The following TMEM41B variants were observed in gnomAD, a reference collection of about 807,000 sequenced individuals.
TMEM41B encodes transmembrane protein 41B.
Under a neutral mutation model 31.9 loss-of-function variants are expected in TMEM41B, and 18 were observed. The observed-to-expected ratio is 0.56, with a 90% CI of 0.39 to 0.84. TMEM41B has a LOEUF of 0.84. TMEM41B is among the 40% of genes least tolerant of loss of function. The probability of loss-of-function intolerance (pLI) is 0.00; values close to 1 mark genes in which losing one functional copy is unlikely to be tolerated. For missense variants in TMEM41B, 322 were observed against 348.0 expected, an observed-to-expected ratio of 0.93 and a Z score of 0.59; for synonymous variants, 144 against 124.3, an observed-to-expected ratio of 1.16 and a Z score of -1.05.
At chr11:9,295,018 G>T in intron 3 of TMEM41B, 2 of 447,830 alleles carry the variant, frequency 4.5e-6, no homozygotes, top group Non-Finnish European at 6.5e-6. Flanking sequence ...GAAAATGTTT[G>T]GTAAGTGAAA....
At position 9,286,502 on chromosome 11, in the gene TMEM41B, G is replaced by A. The variant is rs1407404673; in HGVS notation, c.659C>T (p.Pro220Leu). Residue 220 changes from proline (P) to leucine (L), a missense_variant, in exon 6 of 7, where the codon CCT (proline) becomes CTT (leucine). By Grantham distance (98) the Pro-to-Leu change is moderately conservative. Around this residue, in one of 3 missense-constraint regions of TMEM41B, gnomAD observed 92 missense variants for 88.0 expected, o/e 1.05. Coordinates refer to ENST00000528080, the MANE Select transcript of TMEM41B (RefSeq NM_015012.4). ...LPNWFINITSPVINVPLKVFF... is the reference protein window; with the variant it reads ...LPNWFINITSLVINVPLKVFF... ...AACTTTCAATGGCACGTTTATCACA[G>A]GAGATGTGATATTAATAAACCAATT... 1 of 1,612,386 alleles carries A rather than the reference G, an allele frequency of 6.2e-7. No homozygotes were observed. The highest frequency in any genetic ancestry group is 2.2e-5 in the East Asian group (1 of 44,862).
intron 2 of TMEM41B, among the ~76,000 whole-genome samples, chr11:9,296,503 G>A (rs1853089872): frequency 6.7e-6 from 1 of 149,976 alleles, no homozygotes. Context: ...GTGCATGCCT[G>A]TAATCCCAGC....
intron 1 of TMEM41B, among the ~76,000 whole-genome samples, chr11:9,308,975 G>A (rs1279978346): frequency 6.6e-6 from 1 of 152,066 alleles, no homozygotes; most frequent in Non-Finnish European, 1.5e-5. Flanking sequence ...CTGGCCGGGC[G>A]TGGGGCTAAC....
At chr11:9,284,338 G>A (rs34446443) in intron 6 of TMEM41B, among the ~76,000 whole-genome samples, 40,149 of 151,400 alleles carry the variant, frequency 0.27, 6,071 homozygotes, top group East Asian at 0.5. Flanking sequence ...TGTCAAGAGA[G>A]GGGGTTTTGC....
chr11:9,310,655 CT>C (rs36061977), intron 1 of TMEM41B, among the ~76,000 whole-genome samples: 48,261 of 108,840 alleles, frequency 0.44, 10,821 homozygotes, highest in East Asian at 0.54. Context: ...GTTAAGAGCC[CT>C]TTTTTTTTTT....
chr11:9,286,355 T>TGGCATAATCTGCAGAGAGCA, intron 6 of TMEM41B, 100 bp downstream of exon 6: 1 of 1,220,778 alleles, frequency 8.2e-7, no homozygotes, highest in Non-Finnish European at 1.1e-6. Flanking sequence ...TAGATGGTGC[T>TGGCATAATCTGCAGAGAGCA]GGCATAATCT....
chr11:9,299,321 T>TACACAC (rs1303303364), intron 2 of TMEM41B, among the ~76,000 whole-genome samples: 51 of 10,528 alleles, frequency 4.8e-3, no homozygotes, highest in Non-Finnish European at 0.014. Context: ...TATATATACA[T>TACACAC]ACATACACAC....
intron 1 of TMEM41B, among the ~76,000 whole-genome samples, chr11:9,304,571 T>A (rs1037275452): frequency 6.6e-6 from 1 of 150,834 alleles, no homozygotes; most frequent in Non-Finnish European, 1.5e-5. Flanking sequence ...CTCCTGGGAG[T>A]TGAATGCCTT....
intron 1 of TMEM41B, among the ~76,000 whole-genome samples, chr11:9,304,303 C>T (rs7944130): frequency 0.96 from 146,064 of 152,174 alleles, 70,395 homozygotes; most frequent in East Asian, 1. Context: ...CTGGCTATTA[C>T]CTAATTCAAT....
At position 9,299,594 on chromosome 11, in the gene TMEM41B, G is replaced by A; in HGVS notation, c.229C>T (p.Gln77Ter). ...TCTCAGTATACTTACTCACTAAGCT[G>A]AGGAAAATTTTTATATACCAAAAAC... Reference protein sequence around the residue: ...VMFLVYKNFPQLSEEERVNMK... With the variant: ...VMFLVYKNFP The change falls in exon 2 of 7, where the codon CAG (glutamine) becomes TAG (stop). Residue 77 changes from glutamine (Q) to a stop codon, truncating the protein, a stop_gained. Transcript: ENST00000528080. LOFTEE classifies it high-confidence loss of function. 1 of 1,603,226 alleles carries A rather than the reference G, an allele frequency of 6.2e-7. No homozygotes were observed. Among genetic ancestry groups the A allele is most frequent in the South Asian group, 1.1e-5 (1 of 90,412 alleles).
At chr11:9,293,842 A>G (rs949473120) in intron 3 of TMEM41B, among the ~76,000 whole-genome samples, 2 of 152,114 alleles carry the variant, frequency 1.3e-5, no homozygotes, top group Non-Finnish European at 2.9e-5. Context: ...TCGGGCTCCC[A>G]AAGTGCTGGT....
chr11:9,313,012 A>T (rs746256713), intron 1 of TMEM41B, among the ~76,000 whole-genome samples: 21 of 152,234 alleles, frequency 1.4e-4, no homozygotes, highest in Non-Finnish European at 2.6e-4. Context: ...TATTTTTTGA[A>T]TAGCTTTAGG....
rs1853648443 is a variant in TMEM41B, at chr11:9,314,569, A to G, written c.-128T>C. On this transcript the variant is annotated 5_prime_UTR_variant, in exon 1 of 7. Transcript: ENST00000528080. ...TTCCGGCGCGACCTCCTCACCCGAG[A>G]CGACCTCAGCCCAGCGAGTACTGCA... 3.7e-6 allele frequency: 5 copies of G among 1,343,590 alleles called. No homozygotes were observed. The highest frequency in any genetic ancestry group is 4.9e-6 in the Non-Finnish European group (5 of 1,011,814). The allele number at this position is 1,343,590 out of a possible 1,614,324, so 83.2% of individuals were successfully genotyped here.
intron 1 of TMEM41B, among the ~76,000 whole-genome samples, chr11:9,305,827 AT>A (rs994012882): frequency 3.3e-5 from 5 of 150,620 alleles, no homozygotes; most frequent in South Asian, 2.1e-4. Flanking sequence ...ACCATTACTA[AT>A]TTTTTTTTCT....
chr11:9,295,492 C>T, intron 2 of TMEM41B, 105 bp from the exon 3 acceptor site: 2 of 667,164 alleles, frequency 3.0e-6, no homozygotes, highest in Non-Finnish European at 2.6e-6. Context: ...ATGCCTTGAT[C>T]TATTAAGTCT....
Position 9,314,588 on chromosome 11 carries a change from T to G in TMEM41B, c.-147A>C. The stretch of plus-strand genomic sequence containing the variant: ...CCCGAGACGACCTCAGCCCAGCGAG[T>G]ACTGCAACCTCCTGCAAACACCCGC... On this transcript the variant is annotated 5_prime_UTR_variant, in exon 1 of 7. Coordinates refer to ENST00000528080, the MANE Select transcript of TMEM41B (RefSeq NM_015012.4). 8.8e-7 allele frequency: 1 copy of G among 1,133,812 alleles called. No individual in the cohort carries two copies. The highest frequency in any genetic ancestry group is 1.2e-6 in the Non-Finnish European group (1 of 829,842). 70.2% of individuals were successfully genotyped at this position (1,133,812 alleles called of 1,614,324 possible).
In TMEM41B at chr11:9,314,572, A is replaced by T. The variant is rs1250866903; in HGVS notation, c.-131T>A. The stretch of plus-strand genomic sequence containing the variant: ...CGGCGCGACCTCCTCACCCGAGACG[A>T]CCTCAGCCCAGCGAGTACTGCAACC... On this transcript the variant is annotated 5_prime_UTR_variant, in exon 1 of 7. Coordinates refer to ENST00000528080, the MANE Select transcript of TMEM41B (RefSeq NM_015012.4). The T allele has an allele frequency of 4.5e-6, 6 of 1,322,880 alleles. No homozygotes were observed. The allele number at this position is 1,322,880 out of a possible 1,614,324, so 81.9% of individuals were successfully genotyped here.
chr11:9,292,634 C>A (rs1478908749), intron 3 of TMEM41B, among the ~76,000 whole-genome samples: 1 of 151,950 alleles, frequency 6.6e-6, no homozygotes, highest in Non-Finnish European at 1.5e-5. Context: ...AGTTCGAGAC[C>A]AGCCTGGGCA....
In TMEM41B at chr11:9,291,801, C is replaced by T. The variant is rs144556808; in HGVS notation, c.369-3266G>A. ...TCAGCTCACTGCATTCTCCGCATCCCAGGTTCAAGCAATTCTCTGCCTCAG... is the reference window on the plus strand; with the variant it reads ...TCAGCTCACTGCATTCTCCGCATCCTAGGTTCAAGCAATTCTCTGCCTCAG... On this transcript the variant is annotated intron_variant, in intron 3 of 6. Transcript: ENST00000528080. Among the ~76,000 whole-genome samples the T allele has an allele frequency of 9.7e-4, 148 of 152,108 alleles. 2 individuals are homozygous for T. The highest frequency in any genetic ancestry group is 3.3e-3 in the African/African-American group (136 of 41,496).
Sources: gnomAD v4.1 joint callset for allele counts (sites outside exome capture counted in the v4.1 genomes callset) on GRCh38, gnomAD v4.1.1 for gene constraint, gnomAD v4.1.1 regional missense constraint, MANE v1.5 for transcripts, NCBI Gene and HGNC (gene_info 2026-07-23, HGNC 2026-07-21) for gene names.